Variants in CNOT10 observed in about 807,000 individuals in gnomAD.
The protein encoded by CNOT10 is CCR4-NOT transcription complex subunit 10, also known as CCR4-NOT transcription complex, subunit 10.
In CNOT10, 30 loss-of-function variants were observed where a neutral mutation model predicts 94.6. The ratio of observed to expected loss-of-function variants is 0.32; its 90% CI spans 0.24 to 0.43. The LOEUF (loss-of-function observed/expected upper bound fraction) is 0.43, where lower values mean the gene tolerates loss of function less well. Ranked by LOEUF, CNOT10 falls within the 20% of genes least tolerant of loss-of-function variation. The pLI is 1.00. For missense variants in CNOT10, 759 were observed against 877.2 expected (o/e 0.87, Z 1.70); for synonymous variants, 289 against 301.6 (o/e 0.96, Z 0.43).
chr3:32,685,350 G>T lies in CNOT10; in HGVS notation c.-111G>T. On this transcript the variant is annotated 5_prime_UTR_variant, in exon 1 of 19. Transcript: ENST00000328834. The stretch of plus-strand genomic sequence containing the variant: ...CCTCTAGCCGGAACCTGGGGGCCCG[G>T]AGCCGGGGTAGGCACAGAGTTGTCC... 1 of 1,336,704 alleles carries T rather than the reference G, an allele frequency of 7.5e-7. No homozygotes were observed. The highest frequency in any genetic ancestry group is 1.0e-6 in the Non-Finnish European group (1 of 958,656). 82.8% of individuals were successfully genotyped at this position (1,336,704 alleles called of 1,614,324 possible).
intron 13 of CNOT10, among the ~76,000 whole-genome samples, chr3:32,738,671 C>T (rs1295692031): frequency 6.6e-6 from 1 of 151,934 alleles, no homozygotes; most frequent in Non-Finnish European, 1.5e-5. Flanking sequence ...ACCGTGTTAG[C>T]CAGGATGGTC....
chr3:32,703,766 C>A, intron 1 of CNOT10, 102 bp from the exon 2 acceptor site: 2 of 731,122 alleles, frequency 2.7e-6, no homozygotes, highest in Non-Finnish European at 4.7e-6. Context: ...TATTTTCATA[C>A]TTGACCTTGG....
intron 1 of CNOT10, among the ~76,000 whole-genome samples, chr3:32,690,366 C>T (rs1696796946): frequency 2.0e-5 from 3 of 152,070 alleles, no homozygotes; most frequent in African/African-American, 7.2e-5. Flanking sequence ...TAATCTCAGG[C>T]TCTGAGTTTT....
rs1000228484 is a variant in CNOT10, at chr3:32,695,475, G to A, written c.23-8393G>A. 47 of 1,189,880 alleles carry A rather than the reference G, an allele frequency of 3.9e-5. No homozygotes were observed. In the Admixed American group the frequency reaches 1.3e-3, roughly 32 times the overall value. 73.7% of individuals were successfully genotyped at this position (1,189,880 alleles called of 1,614,324 possible). On this transcript the variant is annotated intron_variant, in intron 1 of 18. Coordinates refer to ENST00000328834, the MANE Select transcript of CNOT10 (RefSeq NM_015442.3). ...GTGGAGCTGTATTTTGATGAGTGTA[G>A]CTTGTAGTCTCCACCAATCAGATTT...
intron 8 of CNOT10, among the ~76,000 whole-genome samples, chr3:32,723,339 C>G (rs376081404): frequency 6.6e-6 from 1 of 150,688 alleles, no homozygotes; most frequent in Non-Finnish European, 1.5e-5. Context: ...TTGCAGTGAG[C>G]TGAAATTGCG....
chr3:32,707,187 A>G (rs1210241448), intron 3 of CNOT10, among the ~76,000 whole-genome samples: 2 of 152,216 alleles, frequency 1.3e-5, no homozygotes, highest in African/African-American at 4.8e-5. Context: ...GGAATTGTGC[A>G]ATGGTTGTAA....
At chr3:32,729,681 T>C (rs1698844814) in intron 10 of CNOT10, among the ~76,000 whole-genome samples, 1 of 152,086 alleles carries the variant, frequency 6.6e-6, no homozygotes. Flanking sequence ...ATGATTTAAT[T>C]ATACTTTGCT....
chr3:32,731,191 A>G (rs1698932660), intron 10 of CNOT10: 1 of 152,210 alleles, frequency 6.6e-6, no homozygotes, highest in Admixed American at 6.5e-5. Context: ...TTCTCTATAC[A>G]CAATTAGTTT....
chr3:32,734,395 G>A (rs1242613261), intron 11 of CNOT10, among the ~76,000 whole-genome samples: 1 of 152,094 alleles, frequency 6.6e-6, no homozygotes, highest in Non-Finnish European at 1.5e-5. Context: ...TGAAAGCAAG[G>A]ATCAACCAAA....
chr3:32,724,102 G>A (rs1011367288), intron 8 of CNOT10, among the ~76,000 whole-genome samples: 3 of 151,954 alleles, frequency 2.0e-5, no homozygotes, highest in South Asian at 2.1e-4. Context: ...AAATTAATAC[G>A]GGTGAAAGAC....
At chr3:32,698,728 A>T (rs1697192914) in intron 1 of CNOT10, among the ~76,000 whole-genome samples, 1 of 152,188 alleles carries the variant, frequency 6.6e-6, no homozygotes, top group South Asian at 2.1e-4. Flanking sequence ...ATCTTCACTG[A>T]CTGCTGACAT....
intron 13 of CNOT10, among the ~76,000 whole-genome samples, chr3:32,743,750 A>G (rs1185048726): frequency 6.6e-6 from 1 of 152,172 alleles, no homozygotes; most frequent in Non-Finnish European, 1.5e-5. Flanking sequence ...TACATACAGG[A>G]TGGGATTCCT....
intron 6 of CNOT10, 65 bp from the exon 7 acceptor site, chr3:32,717,089 C>G: frequency 1.1e-6 from 1 of 926,534 alleles, no homozygotes; most frequent in Non-Finnish European, 1.7e-6. Context: ...GTTTTCTTAA[C>G]TAGAAAGTAA....
At chr3:32,697,409 G>T (rs1481143073) in intron 1 of CNOT10, among the ~76,000 whole-genome samples, 1 of 152,098 alleles carries the variant, frequency 6.6e-6, no homozygotes, top group East Asian at 1.9e-4. Flanking sequence ...GGTCCCAAAA[G>T]TCCCATTAAA....
At position 32,725,551 on chromosome 3, in the gene CNOT10, G is replaced by T; in HGVS notation, c.964G>T (p.Glu322Ter). The T allele has an allele frequency of 6.2e-7, 1 of 1,614,172 alleles. No homozygotes were observed. The change falls in exon 9 of 19, where the codon GAG becomes TAG. Residue 322 changes from glutamate to a stop codon, truncating the protein, a stop_gained. Coordinates refer to ENST00000328834, the MANE Select transcript of CNOT10 (RefSeq NM_015442.3). LOFTEE classifies it high-confidence loss of function. The part of the protein sequence containing the change: ...GIFYFKKALQ[E>*]NDNVCAQLSA... ...ATTCTACTTTAAAAAGGCTCTGCAA[G>T]AGAATGACAATGTCTGTGCACAGCT... is the stretch of plus-strand genomic sequence containing the variant.
At chr3:32,712,999 G>T (rs903728272) in intron 4 of CNOT10, among the ~76,000 whole-genome samples, 7 of 152,220 alleles carry the variant, frequency 4.6e-5, no homozygotes, top group Non-Finnish European at 7.3e-5. Flanking sequence ...TCCTAAGGAA[G>T]ATTTAATCAC....
chr3:32,728,065 C>A (rs747628617), intron 10 of CNOT10, among the ~76,000 whole-genome samples, 195 bp downstream of exon 10: 1 of 151,522 alleles, frequency 6.6e-6, no homozygotes, highest in East Asian at 1.9e-4. Context: ...GTTACGATCT[C>A]GGCTCACTGC....
intron 1 of CNOT10, among the ~76,000 whole-genome samples, chr3:32,686,399 G>A (rs76947819): frequency 0.061 from 9,292 of 152,182 alleles, 328 homozygotes; most frequent in African/African-American, 0.09. Flanking sequence ...GTAGGTTCTG[G>A]TCACAATAAC....
chr3:32,742,984 C>CTTTTTT (rs11425595), intron 13 of CNOT10, among the ~76,000 whole-genome samples: 1 of 122,724 alleles, frequency 8.1e-6, no homozygotes, highest in African/African-American at 3.1e-5. Flanking sequence ...GAATACTAAT[C>CTTTTTT]TTTTTTTTTT....
Sources: allele counts gnomAD v4.1 joint callset (sites outside exome capture counted in the v4.1 genomes callset), GRCh38; gene constraint gnomAD v4.1.1; transcripts MANE v1.5; gene names NCBI Gene and HGNC (gene_info 2026-07-23, HGNC 2026-07-21).